GALNT17: variants seen among roughly 807,000 people sequenced by gnomAD.
The protein encoded by GALNT17 is UDP-GalNAc:polypeptide N-acetylgalactosaminyltransferase-like 3.
A neutral mutation model predicts 63.7 loss-of-function variants in GALNT17; 29 were observed. The ratio of observed to expected loss-of-function variants is 0.46; its 90% CI spans 0.34 to 0.62. The LOEUF (loss-of-function observed/expected upper bound fraction) is 0.62, where lower values mean the gene tolerates loss of function less well. Among genes scored for constraint, GALNT17 ranks in the 20% least tolerant of loss-of-function variants. The pLI is 0.01. For missense variants in GALNT17, 603 were observed against 799.6 expected, an observed-to-expected ratio of 0.75 and a Z score of 2.97; for synonymous variants, 305 against 318.3, an observed-to-expected ratio of 0.96 and a Z score of 0.45.
At chr7:71,312,250 A>G (rs1438140288) in intron 1 of GALNT17, among the ~76,000 whole-genome samples, 2 of 152,212 alleles carry the variant, frequency 1.3e-5, no homozygotes, top group Non-Finnish European at 2.9e-5. Flanking sequence ...TGATGCCTCA[A>G]TAAAAGTTGC....
chr7:71,203,692 C>G lies in GALNT17; in HGVS notation c.238+70652C>G, dbSNP rs368846497. Among the ~76,000 whole-genome samples the G allele has an allele frequency of 5.3e-5, 8 of 152,180 alleles. No individual in the cohort carries two copies. The South Asian group carries it at 6.2e-4, about 12-fold the overall frequency. On this transcript the variant is annotated intron_variant, in intron 1 of 10. Transcript: ENST00000333538. The stretch of plus-strand genomic sequence containing the variant: ...TATAGTGCTGGCATCTGCTCAGATT[C>G]GAGGGAGGCCTCAGGAAGCTTTATA...
intron 5 of GALNT17, among the ~76,000 whole-genome samples, chr7:71,557,782 C>G (rs10244344): frequency 0.45 from 67,640 of 151,192 alleles, 15,993 homozygotes; most frequent in African/African-American, 0.6. Flanking sequence ...CAGAATGAAA[C>G]TCTTAAATAC....
chr7:71,356,549 G>C lies in GALNT17; in HGVS notation c.422+20816G>C, dbSNP rs1193920675. Among the ~76,000 whole-genome samples, 5 of 152,284 alleles carry C rather than the reference G, an allele frequency of 3.3e-5. No individual in the cohort carries two copies. The South Asian group carries it at 1.0e-3, about 32-fold the overall frequency. On this transcript the variant is annotated intron_variant, in intron 2 of 10. Transcript: ENST00000333538. ...GATTGCATGGTGAGAGTGGAAGGGAGAGAGGGGTGGCAGGTGCCAGGCTCT... is the reference window on the plus strand; with the variant it reads ...GATTGCATGGTGAGAGTGGAAGGGACAGAGGGGTGGCAGGTGCCAGGCTCT...
At chr7:71,552,444 CTT>C (rs755171977) in intron 5 of GALNT17, among the ~76,000 whole-genome samples, 10 of 138,244 alleles carry the variant, frequency 7.2e-5, no homozygotes, top group Admixed American at 1.5e-4. Flanking sequence ...GGCTGTGACT[CTT>C]TTTTTTTTTT....
At chr7:71,286,727 A>C (rs1245690413) in intron 1 of GALNT17, among the ~76,000 whole-genome samples, 1 of 147,626 alleles carries the variant, frequency 6.8e-6, no homozygotes, top group Non-Finnish European at 1.5e-5. Flanking sequence ...AGGAGGGATT[A>C]TCTCCTAGAG....
chr7:71,590,909 G>A (rs538349528), intron 6 of GALNT17, among the ~76,000 whole-genome samples: 13 of 152,070 alleles, frequency 8.5e-5, no homozygotes, highest in East Asian at 5.8e-4. Context: ...ACAGGTGCCC[G>A]CCACCAAGCA....
At chr7:71,566,232 G>A (rs1281564083) in intron 5 of GALNT17, among the ~76,000 whole-genome samples, 1 of 152,094 alleles carries the variant, frequency 6.6e-6, no homozygotes, top group Admixed American at 6.6e-5. Flanking sequence ...TCAGCCCCTA[G>A]ACTGACCTCT....
intron 1 of GALNT17, among the ~76,000 whole-genome samples, chr7:71,181,904 G>A (rs1168574254): frequency 6.6e-6 from 1 of 151,506 alleles, no homozygotes; most frequent in Non-Finnish European, 1.5e-5. Flanking sequence ...AGGCTGGCGC[G>A]GTGGCTCATG....
At chr7:71,263,506 G>C (rs12669498) in intron 1 of GALNT17, among the ~76,000 whole-genome samples, 18,008 of 152,256 alleles carry the variant, frequency 0.12, 1,241 homozygotes, top group South Asian at 0.21. Flanking sequence ...AACAAATACA[G>C]GGAAGAGAAC....
chr7:71,213,211 A>G (rs1386653886), intron 1 of GALNT17, among the ~76,000 whole-genome samples: 1 of 152,112 alleles, frequency 6.6e-6, no homozygotes, highest in Admixed American at 6.5e-5. Flanking sequence ...ATCTCACGAG[A>G]TCTTACGGTT....
At chr7:71,617,699 G>A (rs574277358) in intron 6 of GALNT17, among the ~76,000 whole-genome samples, 1 of 151,644 alleles carries the variant, frequency 6.6e-6, no homozygotes, top group South Asian at 2.1e-4. Context: ...CTGGAGTGCT[G>A]TGGCGCGATC....
chr7:71,451,882 T>G (rs986333614), intron 5 of GALNT17, among the ~76,000 whole-genome samples: 2 of 152,238 alleles, frequency 1.3e-5, no homozygotes, highest in South Asian at 4.1e-4. Flanking sequence ...TTTCACCGAA[T>G]TGTGGTTTTT....
At chr7:71,412,394 G>A (rs1049824018) in intron 3 of GALNT17, among the ~76,000 whole-genome samples, 2 of 149,584 alleles carry the variant, frequency 1.3e-5, no homozygotes, top group Admixed American at 6.7e-5. Context: ...TTTTTGAGAC[G>A]GAGTCTCGCT....
chr7:71,640,947 G>A (rs907102183), intron 6 of GALNT17, among the ~76,000 whole-genome samples: 1 of 152,116 alleles, frequency 6.6e-6, no homozygotes, highest in Non-Finnish European at 1.5e-5. Flanking sequence ...AGAATCTTTA[G>A]CTGGTTTCTG....
In GALNT17 at chr7:71,259,650, T is replaced by TG; in HGVS notation, c.239-75900_239-75899insG. ...TGTTTTGTTTTTTGTTTTTTTGTTT[T>TG]TTTTTTTTTGAGACGGAGTCTTGCT... On this transcript the variant is annotated intron_variant, in intron 1 of 10. Transcript: ENST00000333538. 1.3e-5 allele frequency among the ~76,000 whole-genome samples: 2 copies of TG among 148,624 alleles called. 1 individual carries two copies. The highest frequency in any genetic ancestry group is 5.0e-5 in the African/African-American group (2 of 40,030).
chr7:71,454,922 T>G (rs1008020635), intron 5 of GALNT17, among the ~76,000 whole-genome samples: 1 of 151,970 alleles, frequency 6.6e-6, no homozygotes, highest in Non-Finnish European at 1.5e-5. Context: ...TCCAAGCACT[T>G]TGGGAGGTCA....
chr7:71,627,459 G>C (rs1387429552), intron 6 of GALNT17, among the ~76,000 whole-genome samples: 4 of 152,284 alleles, frequency 2.6e-5, no homozygotes, highest in Non-Finnish European at 5.9e-5. Context: ...AGCCTTTCCA[G>C]ATGACCTTCA....
At chr7:71,661,180 G>T (rs1790902348) in intron 6 of GALNT17, among the ~76,000 whole-genome samples, 1 of 152,190 alleles carries the variant, frequency 6.6e-6, no homozygotes, top group South Asian at 2.1e-4. Context: ...GAAGTCAAGG[G>T]GTCTACAGCT....
chr7:71,163,731 C>T (rs1305509027), intron 1 of GALNT17, among the ~76,000 whole-genome samples: 1 of 152,186 alleles, frequency 6.6e-6, no homozygotes, highest in Non-Finnish European at 1.5e-5. Context: ...AACACCAATT[C>T]TGAAGGCCTC....
Sources: gnomAD v4.1 joint callset for allele counts (sites outside exome capture counted in the v4.1 genomes callset) on GRCh38, gnomAD v4.1.1 for gene constraint, MANE v1.5 for transcripts, NCBI Gene and HGNC (gene_info 2026-07-23, HGNC 2026-07-21) for gene names.